SEMA4D: variants seen among roughly 807,000 people sequenced by gnomAD.
The protein encoded by SEMA4D is semaphorin-4D.
SEMA4D carries 22 observed loss-of-function variants against 74.8 expected under a neutral mutation model. The ratio of observed to expected loss-of-function variants is 0.29; its 90% CI spans 0.21 to 0.42. SEMA4D has a LOEUF of 0.42. SEMA4D is among the 10% of genes least tolerant of loss of function. The pLI is 1.00. For synonymous variants in SEMA4D, 445 were observed against 463.7 expected, an observed-to-expected ratio of 0.96 and a Z score of 0.52; for missense variants, 937 against 1,118.4, an observed-to-expected ratio of 0.84 and a Z score of 2.31.
intron 1 of SEMA4D, among the ~76,000 whole-genome samples, chr9:89,471,977 C>G (rs913064159): frequency 6.6e-6 from 1 of 152,162 alleles, no homozygotes. Context: ...GGCTGAGGTG[C>G]ACGCCAGCTA....
At chr9:89,431,698 A>G (rs1373146055) in intron 2 of SEMA4D, among the ~76,000 whole-genome samples, 3 of 151,946 alleles carry the variant, frequency 2.0e-5, no homozygotes, top group South Asian at 2.1e-4. Context: ...GGGTCTTGCT[A>G]TGTTGCCCAG....
intron 1 of SEMA4D, among the ~76,000 whole-genome samples, chr9:89,456,188 T>C (rs567131580): frequency 6.6e-6 from 1 of 152,270 alleles, no homozygotes; most frequent in Non-Finnish European, 1.5e-5. Flanking sequence ...GAGGGAGGCA[T>C]CATCTGCACC....
intron 16 of SEMA4D, among the ~76,000 whole-genome samples, chr9:89,371,728 C>T (rs201477427): frequency 1.5e-4 from 6 of 40,148 alleles, no homozygotes; most frequent in East Asian, 1.9e-3. Context: ...TGGTGTGTGT[C>T]TGGGGTGTGG....
chr9:89,480,300 C>G (rs1388920263), intron 1 of SEMA4D, among the ~76,000 whole-genome samples: 1 of 152,230 alleles, frequency 6.6e-6, no homozygotes, highest in African/African-American at 2.4e-5. Context: ...AATCCCTGAG[C>G]TAGATATAAA....
chr9:89,380,441 C>T (rs1836771553), intron 15 of SEMA4D, among the ~76,000 whole-genome samples: 1 of 152,234 alleles, frequency 6.6e-6, no homozygotes, highest in African/African-American at 2.4e-5. Context: ...AAGCAATCCT[C>T]CTGCCTCAGC....
intron 2 of SEMA4D, among the ~76,000 whole-genome samples, chr9:89,410,052 T>C (rs1017227880): frequency 1.6e-5 from 2 of 123,332 alleles, no homozygotes; most frequent in Admixed American, 1.0e-4. Context: ...CTGTAACAAC[T>C]GGCTCTCCAC....
Position 89,378,927 on chromosome 9 carries a change from A to G in SEMA4D, c.2366T>C (p.Leu789Pro). 2 of 1,614,172 alleles carry G rather than the reference A, an allele frequency of 1.2e-6. No individual in the cohort carries two copies. Among genetic ancestry groups the G allele is most frequent in the Non-Finnish European group, 1.7e-6 (2 of 1,180,020 alleles). ...KSDFCDREQS[L>P]KETLVEPGSF... ...CCCTGGCTCTACTAACGTCTCCTTC[A>G]GGCTCTGCTCACGGTCACAGAAATC... is the stretch of plus-strand genomic sequence containing the variant. The change falls in exon 16 of 16, where the codon CTG becomes CCG. Residue 789 changes from leucine (L) to proline (P), a missense_variant. Transcript: ENST00000422704.
intron 2 of SEMA4D, chr9:89,406,056 GAAGGAA>G: frequency 2.0e-6 from 1 of 509,724 alleles, no homozygotes; most frequent in Middle Eastern, 9.0e-4. Context: ...AGATGAAAAT[GAAGGAA>G]GAGAACTCGG....
At chr9:89,389,825 T>A (rs1239337934) in intron 9 of SEMA4D, among the ~76,000 whole-genome samples, 1 of 152,232 alleles carries the variant, frequency 6.6e-6, no homozygotes, top group East Asian at 1.9e-4. Flanking sequence ...GGACTTCATT[T>A]TCCTCCTTGA....
chr9:89,491,505 G>A (rs1825623780), intron 1 of SEMA4D, among the ~76,000 whole-genome samples: 1 of 152,198 alleles, frequency 6.6e-6, no homozygotes. Context: ...ACGAGGCAGA[G>A]GTTGCAGTGA....
chr9:89,362,450 T>C (rs990492685), intron 18 of SEMA4D: 7 of 1,613,890 alleles, frequency 4.3e-6, no homozygotes, highest in Non-Finnish European at 5.9e-6. Context: ...ATGTGGTCTT[T>C]GAATCCTTGG....
intron 3 of SEMA4D, 87 bp from the exon 4 acceptor site, chr9:89,403,103 T>A: frequency 6.8e-7 from 1 of 1,463,384 alleles, no homozygotes; most frequent in Non-Finnish European, 9.4e-7. Context: ...TAGGTCCCTG[T>A]CTCAGTGACA....
In SEMA4D at chr9:89,378,763, T is replaced by C; in HGVS notation, c.2530A>G (p.Lys844Glu). The C allele has an allele frequency of 6.2e-7, 1 of 1,614,206 alleles. No individual in the cohort carries two copies. Among genetic ancestry groups the C allele is most frequent in the Non-Finnish European group, 8.5e-7 (1 of 1,180,042 alleles). ...AGCTCACACTTGACGTCAAAGGGCT[T>C]GTCCCTGGCAGAAAGGTCGTCGATC... ...QRIDDLSARDKPFDVKCELKF... is the reference protein window; with the variant it reads ...QRIDDLSARDEPFDVKCELKF... Residue 844 changes from lysine (K) to glutamate (E), a missense_variant, in exon 16 of 16, where the codon AAG becomes GAG. By Grantham distance (56) the Lys-to-Glu change is moderately conservative (BLOSUM62 1). Transcript: ENST00000422704.
At chr9:89,368,220 C>G (rs970395477) in intron 16 of SEMA4D, 5 of 152,418 alleles carry the variant, frequency 3.3e-5, no homozygotes, top group Admixed American at 2.6e-4. Flanking sequence ...AACTCACATC[C>G]AGGTGGCCTT....
intron 1 of SEMA4D, among the ~76,000 whole-genome samples, chr9:89,473,908 A>G (rs1333384782): frequency 6.6e-6 from 1 of 152,178 alleles, no homozygotes; most frequent in African/African-American, 2.4e-5. Flanking sequence ...GTGAAGGCAG[A>G]CAGTCAGAGG....
intron 1 of SEMA4D, among the ~76,000 whole-genome samples, chr9:89,466,082 G>T (rs1398308398): frequency 2.0e-5 from 3 of 152,122 alleles, no homozygotes; most frequent in African/African-American, 7.2e-5. Flanking sequence ...GGTGTCCAAG[G>T]CACCATGAAG....
At chr9:89,432,741 G>T (rs1004023020) in intron 2 of SEMA4D, among the ~76,000 whole-genome samples, 1 of 152,198 alleles carries the variant, frequency 6.6e-6, no homozygotes, top group Non-Finnish European at 1.5e-5. Context: ...ACAAGTGTTG[G>T]TGAGGATGTG....
At chr9:89,408,897 A>G (rs1431351129) in intron 2 of SEMA4D, among the ~76,000 whole-genome samples, 4 of 152,218 alleles carry the variant, frequency 2.6e-5, no homozygotes, top group African/African-American at 9.6e-5. Flanking sequence ...CATGTCCCCC[A>G]GCTGGGCAAA....
intron 15 of SEMA4D, 123 bp downstream of exon 15, chr9:89,380,932 C>G: frequency 6.0e-6 from 7 of 1,176,156 alleles, no homozygotes; most frequent in Non-Finnish European, 8.8e-6. Flanking sequence ...GAACACTTGA[C>G]CTCTGTTCCG....
Sources: gnomAD v4.1 joint callset for allele counts (sites outside exome capture counted in the v4.1 genomes callset) on GRCh38, gnomAD v4.1.1 for gene constraint, MANE v1.5 for transcripts, NCBI Gene and HGNC (gene_info 2026-07-23, HGNC 2026-07-21) for gene names.